GCSAML: variants seen among roughly 807,000 people sequenced by gnomAD.
The protein encoded by GCSAML is germinal center associated signaling and motility like.
GCSAML carries 9 observed loss-of-function variants against 13.0 expected under a neutral mutation model. That is an observed-to-expected ratio of 0.69 (90% CI 0.42 to 1.21). GCSAML has a LOEUF of 1.21. GCSAML is among the 50% of genes most tolerant of loss of function. The probability of loss-of-function intolerance (pLI) is 0.00; values close to 1 mark genes in which losing one functional copy is unlikely to be tolerated. For synonymous variants in GCSAML, 37 were observed against 52.9 expected (o/e 0.70, Z 1.31); for missense variants, 143 against 153.4 (o/e 0.93, Z 0.36).
intron 1 of GCSAML, among the ~76,000 whole-genome samples, chr1:247,509,604 C>A (rs1322831202): frequency 6.6e-6 from 1 of 152,104 alleles, no homozygotes; most frequent in African/African-American, 2.4e-5. Context: ...ATGCTTCCAG[C>A]TTTTGCCTAT....
intron 2 of GCSAML, among the ~76,000 whole-genome samples, chr1:247,561,326 A>G (rs553053665): frequency 6.6e-6 from 1 of 152,340 alleles, no homozygotes; most frequent in South Asian, 2.1e-4. Context: ...AATGTATACA[A>G]TGTGTAATGA....
intron 2 of GCSAML, among the ~76,000 whole-genome samples, chr1:247,556,699 G>A (rs958182060): frequency 1.3e-5 from 2 of 152,164 alleles, no homozygotes; most frequent in African/African-American, 4.8e-5. Flanking sequence ...TAATGTGAGT[G>A]TAGAAACATA....
intron 4 of GCSAML, among the ~76,000 whole-genome samples, chr1:247,572,765 A>G (rs1668668612): frequency 6.6e-6 from 1 of 152,244 alleles, no homozygotes. Flanking sequence ...TTCAGAGCCA[A>G]CAGGTAGGCA....
intron 2 of GCSAML, chr1:247,532,283 T>G: frequency 6.2e-7 from 1 of 1,614,190 alleles, no homozygotes. Context: ...GGGACAATGC[T>G]CGTGGTGAAG....
intron 1 of GCSAML, among the ~76,000 whole-genome samples, chr1:247,522,560 T>A (rs1421648723): frequency 6.6e-6 from 1 of 152,166 alleles, no homozygotes; most frequent in Non-Finnish European, 1.5e-5. Flanking sequence ...TCCATTTTGT[T>A]CTGTACTAAG....
chr1:247,546,411 T>C (rs760489299), upstream of GCSAML, among the ~76,000 whole-genome samples: 25 of 152,080 alleles, frequency 1.6e-4, no homozygotes, highest in Admixed American at 5.2e-4. Context: ...CAGGCTGGAG[T>C]GCAGTGGCGC....
intron 4 of GCSAML, among the ~76,000 whole-genome samples, chr1:247,566,714 CAT>C (rs1489952499): frequency 4.6e-5 from 7 of 152,190 alleles, no homozygotes; most frequent in African/African-American, 1.4e-4. Context: ...GAAACTATAA[CAT>C]ATGGAAAAAA....
At chr1:247,508,722 T>C (rs1665913953) in intron 1 of GCSAML, among the ~76,000 whole-genome samples, 1 of 152,212 alleles carries the variant, frequency 6.6e-6, no homozygotes, top group Non-Finnish European at 1.5e-5. Context: ...TTCAGTTTTC[T>C]GCATGTGGCT....
chr1:247,569,916 T>G (rs1378104347), intron 4 of GCSAML, among the ~76,000 whole-genome samples: 1 of 152,246 alleles, frequency 6.6e-6, no homozygotes, highest in Non-Finnish European at 1.5e-5. Flanking sequence ...GGATTCAACT[T>G]CTTCCTGGTT....
chr1:247,572,350 G>A (rs896512754), intron 4 of GCSAML, among the ~76,000 whole-genome samples: 2 of 151,984 alleles, frequency 1.3e-5, no homozygotes, highest in African/African-American at 4.8e-5. Flanking sequence ...ATCTACCTTT[G>A]GTCTTTGCTC....
chr1:247,558,952 A>C (rs1214439898), intron 2 of GCSAML, among the ~76,000 whole-genome samples: 1 of 152,156 alleles, frequency 6.6e-6, no homozygotes, highest in Non-Finnish European at 1.5e-5. Flanking sequence ...ATTTTATTAA[A>C]GTCTTCTTTG....
chr1:247,549,786 AAT>A (rs1667703922), intron 1 of GCSAML, among the ~76,000 whole-genome samples: 1 of 152,124 alleles, frequency 6.6e-6, no homozygotes, highest in Admixed American at 6.5e-5. Context: ...CTTTTTTGGT[AAT>A]GTTTAGCCTT....
rs1243900661 is a variant in GCSAML at position 247,556,407 on chromosome 1, T to C, written c.30T>C (p.Ser10=). The change falls in exon 2 of 5, where the codon AGT becomes AGC. Residue 10 remains serine, a splice_region_variant and synonymous_variant. Transcript: ENST00000366488. MGNYLLRKL[S]CLGENQKKPK... ...TTTTTTCTTATGTGTTTCCATATAG[T>C]TGCCTGGGAGAGAATCAAAAGAAGC... The C allele has an allele frequency of 6.2e-7, 1 of 1,607,928 alleles. No homozygotes were observed. The highest frequency in any genetic ancestry group is 1.7e-5 in the Admixed American group (1 of 59,812).
At chr1:247,548,803 C>G (rs75738890), upstream of GCSAML, among the ~76,000 whole-genome samples, 22 of 152,174 alleles carry the variant, frequency 1.4e-4, no homozygotes, top group African/African-American at 5.3e-4. The surrounding 1 kb of genome is among the most constrained non-coding windows in gnomAD (Gnocchi z 5.3). Context: ...TTATTATGCT[C>G]ACTTCGGAGG....
chr1:247,517,808 T>C (rs1666264977), intron 1 of GCSAML, among the ~76,000 whole-genome samples: 1 of 152,118 alleles, frequency 6.6e-6, no homozygotes, highest in South Asian at 2.1e-4. Context: ...CACGTGCCAT[T>C]TTCTAATCAC....
chr1:247,532,513 G>T (rs750281288), intron 2 of GCSAML: 38 of 1,611,418 alleles, frequency 2.4e-5, no homozygotes, highest in Non-Finnish European at 3.1e-5. Flanking sequence ...TTCCATCATT[G>T]TATGCTGGGG....
intron 4 of GCSAML, among the ~76,000 whole-genome samples, chr1:247,568,507 G>C (rs1668473766): frequency 6.6e-6 from 1 of 152,054 alleles, no homozygotes. Context: ...TCATTTCTGA[G>C]GCCTCTGTTC....
intron 4 of GCSAML, among the ~76,000 whole-genome samples, chr1:247,570,953 C>A (rs990503887): frequency 7.2e-5 from 11 of 152,108 alleles, no homozygotes; most frequent in Admixed American, 6.5e-4. Flanking sequence ...ATCCCTTTAC[C>A]GTTATGTAAT....
chr1:247,538,348 C>T (rs111692069), intron 2 of GCSAML, among the ~76,000 whole-genome samples: 4 of 152,074 alleles, frequency 2.6e-5, no homozygotes, highest in African/African-American at 4.8e-5. Context: ...AAATATGAAC[C>T]GTATTCTGAA....
Sources: gnomAD v4.1 joint callset for allele counts (sites outside exome capture counted in the v4.1 genomes callset) on GRCh38, gnomAD v4.1.1 for gene constraint, Gnocchi (gnomAD v3.1) non-coding constraint, MANE v1.5 for transcripts, NCBI Gene and HGNC (gene_info 2026-07-23, HGNC 2026-07-21) for gene names.